The following EPPK1 variants were observed in gnomAD, a reference collection of about 807,000 sequenced individuals.
EPPK1 encodes epiplakin 1.
For synonymous variants in EPPK1, 1,862 were observed against 1,721.2 expected (o/e 1.08, Z -2.03); for missense variants, 3,823 against 3,673.3 (o/e 1.04, Z -1.05).
rs782083701 is a variant in EPPK1 at position 143,868,062 on chromosome 8, G to C, written c.5192C>G (p.Pro1731Arg). 6.2e-7 allele frequency: 1 copy of C among 1,613,654 alleles called. No individual in the cohort carries two copies. Among genetic ancestry groups the C allele is most frequent in the East Asian group, 2.2e-5 (1 of 44,880 alleles). The change falls in exon 2 of 2, where the codon CCC becomes CGC. Residue 1731 changes from proline to arginine, a missense_variant. By Grantham distance (103) the Pro-to-Arg change is moderately radical. Coordinates refer to ENST00000615648, the MANE Select transcript of EPPK1 (RefSeq NM_031308.4). ...GTACGTGAGGTTCTCGTGCGTGTTG[G>C]GGTCGAAGAAGCCCTTGGTGTCGTC... is the stretch of plus-strand genomic sequence containing the variant. Reference protein sequence around the residue: ...PSDDTKGFFDPNTHENLTYLQ... With the variant: ...PSDDTKGFFDRNTHENLTYLQ...
chr8:143,858,059 G>T lies in EPPK1; in HGVS notation c.15195C>A (p.Tyr5065Ter). Reference protein sequence around the residue: ...FDPNTHENLTYLQLLQRATLD... With the variant: ...FDPNTHENLT Reference sequence around the variant, plus strand: ...GGGTGGCCCTCTGCAGAAGCTGCAGGTACGTGAGGTTCTCGTGCGTGTTGG... The same window carrying T: ...GGGTGGCCCTCTGCAGAAGCTGCAGTTACGTGAGGTTCTCGTGCGTGTTGG... The change falls in exon 2 of 2, where the codon TAC becomes TAA. Residue 5065 changes from tyrosine to a stop codon, truncating the protein, a stop_gained. Transcript: ENST00000615648. LOFTEE classifies it low-confidence loss of function (END_TRUNC). 6.2e-7 allele frequency: 1 copy of T among 1,613,384 alleles called. No homozygotes were observed.
chr8:143,857,840 A>T lies in EPPK1; in HGVS notation c.*147T>A. ...AAGGAAAAGTTTCTGTCACATGACAACTTAAAACGTTTTCCACAGATAACG... is the reference window on the plus strand; with the variant it reads ...AAGGAAAAGTTTCTGTCACATGACATCTTAAAACGTTTTCCACAGATAACG... On this transcript the variant is annotated 3_prime_UTR_variant, in exon 2 of 2. Transcript: ENST00000615648. The T allele has an allele frequency of 3.2e-6, 2 of 627,838 alleles. No individual in the cohort carries two copies. Among genetic ancestry groups the T allele is most frequent in the Non-Finnish European group, 5.0e-6 (2 of 396,234 alleles). The allele number at this position is 627,838 out of a possible 1,614,324, so 38.9% of individuals were successfully genotyped here.
At chr8:143,876,287 G>A (rs1819476184) in intron 1 of EPPK1, among the ~76,000 whole-genome samples, 1 of 152,168 alleles carries the variant, frequency 6.6e-6, no homozygotes, top group African/African-American at 2.4e-5. Context: ...AAGAGGACCT[G>A]GTCACACCTG....
upstream of EPPK1, among the ~76,000 whole-genome samples, chr8:143,878,652 C>G (rs1819540518): frequency 6.6e-6 from 1 of 151,882 alleles, no homozygotes; most frequent in Non-Finnish European, 1.5e-5. Flanking sequence ...GGACCCTCCC[C>G]TCGTCCCCAG....
rs1818933985 is a variant in EPPK1, at chr8:143,857,991, T to G, written c.15263A>C (p.Gln5088Pro). 6 of 1,596,368 alleles carry G rather than the reference T, an allele frequency of 3.8e-6. No homozygotes were observed. The highest frequency in any genetic ancestry group is 5.1e-6 in the Non-Finnish European group (6 of 1,170,738). ...AACTGCACGGAGGAAGCCCAGTCACTGTAGAGAGAGAGAAAGAAATAGGAG... is the reference window on the plus strand; with the variant it reads ...AACTGCACGGAGGAAGCCCAGTCACGGTAGAGAGAGAGAAAGAAATAGGAG... ...TGLLFLSLSL[Q>P] Residue 5088 changes from glutamine to proline, a missense_variant, in exon 2 of 2, where the codon CAG becomes CCG. Gln to Pro is a moderately conservative substitution (Grantham distance 76, BLOSUM62 -1). Coordinates refer to ENST00000615648, the MANE Select transcript of EPPK1 (RefSeq NM_031308.4).
chr8:143,871,712 G>C lies in EPPK1; in HGVS notation c.1542C>G (p.Leu514=). The change falls in exon 2 of 2, where the codon CTC becomes CTG. Residue 514 remains leucine (L), a synonymous_variant. Transcript: ENST00000615648. ...GCTCTGAGGAGATGGCCTCAGAGAA[G>C]AGCAGCTCCCAGAGGGACACGGGCC... ...RGRPVSLWEL[L]FSEAISSEQR... 6.2e-7 allele frequency: 1 copy of C among 1,608,348 alleles called. No homozygotes were observed. The highest frequency in any genetic ancestry group is 8.5e-7 in the Non-Finnish European group (1 of 1,178,662).
chr8:143,870,941 G>A lies in EPPK1; in HGVS notation c.2313C>T (p.Asn771=), dbSNP rs782185790. ...GCAGGTACGTGAGGTTCTCGTGCGT[G>A]TTGGGGTCGAAGAAGCCCTTGGTGT... The part of the protein sequence containing the change: ...SDDTKGFFDP[N]THENLTYLQL... The change falls in exon 2 of 2, where the codon AAC becomes AAT. Residue 771 remains asparagine (N), a synonymous_variant. Transcript: ENST00000615648. This position sits in a 1 kb window ranked among gnomAD's most constrained non-coding sequence, Gnocchi z 5.2. The A allele has an allele frequency of 6.2e-6, 10 of 1,613,416 alleles. No individual in the cohort carries two copies. Among genetic ancestry groups the A allele is most frequent in the African/African-American group, 2.7e-5 (2 of 74,920 alleles).
At position 143,857,896 on chromosome 8, in the gene EPPK1, CAAAAAAAAAAAAA is replaced by C. The variant is rs35186960; in HGVS notation, c.*78_*90del. 1.8e-5 allele frequency: 8 copies of C among 437,920 alleles called. No homozygotes were observed. The highest frequency in any genetic ancestry group is 1.4e-4 in the African/African-American group (4 of 29,402). The allele number at this position is 437,920 out of a possible 1,614,324, so 27.1% of individuals were successfully genotyped here. A position where few individuals can be genotyped will look rare whatever the true frequency, so the allele number is the denominator to read the frequency against. The stretch of plus-strand genomic sequence containing the variant: ...GTAAAACAACAAAATTAAAGAATGA[CAAAAAAAAAAAAA>C]AAAAAAAAAACAACCCAGACACACA... On this transcript the variant is annotated 3_prime_UTR_variant, in exon 2 of 2. Coordinates refer to ENST00000615648, the MANE Select transcript of EPPK1 (RefSeq NM_031308.4).
chr8:143,875,977 C>T (rs1406033835), intron 1 of EPPK1, among the ~76,000 whole-genome samples: 1 of 151,698 alleles, frequency 6.6e-6, no homozygotes, highest in Non-Finnish European at 1.5e-5. Flanking sequence ...TATGATGGAG[C>T]TTGGGCTCCT....
intron 1 of EPPK1, 133 bp from the exon 2 acceptor site, chr8:143,873,431 G>A (rs892290480): frequency 2.7e-5 from 16 of 584,404 alleles, no homozygotes; most frequent in Non-Finnish European, 4.0e-5. Context: ...GAGTGTCCCC[G>A]AGGAGCTGAG....
rs7839934 is a variant in EPPK1 at position 143,867,013 on chromosome 8, G to C, written c.6241C>G (p.Leu2081Val). 0.26 allele frequency: 418,834 copies of C among 1,612,534 alleles called. 56,746 individuals are homozygous for C. Among genetic ancestry groups the C allele is most frequent in the South Asian group, 0.4 (36,454 of 91,058 alleles). Residue 2081 changes from leucine to valine, a missense_variant, in exon 2 of 2, where the codon CTG (leucine) becomes GTG (valine). Leu to Val is a conservative substitution (Grantham distance 32). Coordinates refer to ENST00000615648, the MANE Select transcript of EPPK1 (RefSeq NM_031308.4). ...RCRPQEDTGW[L>V]LFPVNKAARD... ...GCAGCCTTGTTCACTGGGAACAGCA[G>C]CCAGCCCGTGTCCTCTTGTGGGCGG...
Position 143,867,928 on chromosome 8 carries a change from C to T in EPPK1, c.5326G>A (p.Val1776Met), listed in dbSNP as rs202016455. 1.4e-4 allele frequency: 220 copies of T among 1,613,504 alleles called. No individual in the cohort carries two copies. The highest frequency in any genetic ancestry group is 2.9e-4 in the African/African-American group (22 of 74,916). The change falls in exon 2 of 2, where the codon GTG becomes ATG. Residue 1776 changes from valine to methionine, a missense_variant. Transcript: ENST00000615648. ...YVYINEATRH[V>M]LQSRTAKMRV... ...ATTTTTGCAGTTCTGGATTGCAACACGTGTCTCGTGGCCTCATTGATGTAC... is the reference window on the plus strand; with the variant it reads ...ATTTTTGCAGTTCTGGATTGCAACATGTGTCTCGTGGCCTCATTGATGTAC...
Position 143,868,342 on chromosome 8 carries a change from T to C in EPPK1, c.4912A>G (p.Thr1638Ala), listed in dbSNP as rs2130629451. The change falls in exon 2 of 2, where the codon ACC becomes GCC. Residue 1638 changes from threonine to alanine, a missense_variant. Coordinates refer to ENST00000615648, the MANE Select transcript of EPPK1 (RefSeq NM_031308.4). ...TCGGCCGACAGCAGCTTCACGTAGG[T>C]TTCTTTCCCGAACATTCCTGCTTTG... ...AFKAGMFGKE[T>A]YVKLLSAERA... The C allele has an allele frequency of 6.2e-7, 1 of 1,613,034 alleles. No homozygotes were observed. The highest frequency in any genetic ancestry group is 8.5e-7 in the Non-Finnish European group (1 of 1,179,982).
At position 143,870,196 on chromosome 8, in the gene EPPK1, C is replaced by T. The variant is rs782175370; in HGVS notation, c.3058G>A (p.Val1020Met). The T allele has an allele frequency of 1.1e-5, 18 of 1,611,154 alleles. No individual in the cohort carries two copies. The highest frequency in any genetic ancestry group is 1.6e-4 in the Middle Eastern group (1 of 6,078). ...TTCTTCATGGCCTGGAACACAGACA[C>T]CTGCTTCCCAGAGAAGGGGTCTCTG... is the stretch of plus-strand genomic sequence containing the variant. ...GFRDPFSGKQVSVFQAMKKGL... is the reference protein window; with the variant it reads ...GFRDPFSGKQMSVFQAMKKGL... Residue 1020 changes from valine (V) to methionine (M), a missense_variant, in exon 2 of 2, where the codon GTG becomes ATG. Val to Met is a conservative substitution (Grantham distance 21). Transcript: ENST00000615648. This position sits in a 1 kb window ranked among gnomAD's most constrained non-coding sequence, Gnocchi z 5.2.
Position 143,869,492 on chromosome 8 carries a change from C to G in EPPK1, c.3762G>C (p.Gln1254His). 3 of 1,548,426 alleles carry G rather than the reference C, an allele frequency of 1.9e-6. No individual in the cohort carries two copies. The highest frequency in any genetic ancestry group is 2.6e-6 in the Non-Finnish European group (3 of 1,152,044). Residue 1254 changes from glutamine (Q) to histidine (H), a missense_variant, in exon 2 of 2, where the codon CAG (glutamine) becomes CAC (histidine). Coordinates refer to ENST00000615648, the MANE Select transcript of EPPK1 (RefSeq NM_031308.4). ...CGATGCTGGCCTTGGCCCCAGAGGG[C>G]TGTAGCAGCACACCGGCCACGCAGC... ...GTGCVAGVLLQPSGAKASIAQ... is the reference protein window; with the variant it reads ...GTGCVAGVLLHPSGAKASIAQ...
chr8:143,871,430 A>G lies in EPPK1; in HGVS notation c.1824T>C (p.Gly608=), dbSNP rs782234360. ...SLASVQRYLQ[G]TGCIAGLLLP... The stretch of plus-strand genomic sequence containing the variant: ...GCAGCAGGCCAGCAATGCAGCCCGT[A>G]CCCTGCAGGTACCTCTGCACCGAGG... Residue 608 remains glycine (G), a synonymous_variant, in exon 2 of 2, where the codon GGT becomes GGC. Transcript: ENST00000615648. The G allele has an allele frequency of 1.2e-6, 2 of 1,604,794 alleles. No homozygotes were observed. The highest frequency in any genetic ancestry group is 8.5e-7 in the Non-Finnish European group (1 of 1,176,940).
rs781848210 is a variant in EPPK1 at position 143,871,672 on chromosome 8, C to G, written c.1582G>C (p.Ala528Pro). The G allele has an allele frequency of 6.2e-7, 1 of 1,602,530 alleles. No homozygotes were observed. Among genetic ancestry groups the G allele is most frequent in the Non-Finnish European group, 8.5e-7 (1 of 1,176,342 alleles). ...AGGGTCCCTTCCTGGTACTGCTGGG[C>G]CAGCATCGCCCTCTGCTCTGAGGAG... ...AISSEQRAMLAQQYQEGTLSV... is the reference protein window; with the variant it reads ...AISSEQRAMLPQQYQEGTLSV... Residue 528 changes from alanine (A) to proline (P), a missense_variant, in exon 2 of 2, where the codon GCC becomes CCC. Coordinates refer to ENST00000615648, the MANE Select transcript of EPPK1 (RefSeq NM_031308.4).
At position 143,869,015 on chromosome 8, in the gene EPPK1, G is replaced by T. The variant is rs373598186; in HGVS notation, c.4239C>A (p.Thr1413=). Residue 1413 remains threonine (T), a synonymous_variant, in exon 2 of 2, where the codon ACC becomes ACA. Coordinates refer to ENST00000615648, the MANE Select transcript of EPPK1 (RefSeq NM_031308.4). ...FFDPSARDQV[T]YQQLRERCVC... Reference sequence around the variant, plus strand: ...CGCAGCGCTCCCTGAGCTGCTGGTAGGTCACCTGGTCCCGCGCACTGGGGT... The same window carrying T: ...CGCAGCGCTCCCTGAGCTGCTGGTATGTCACCTGGTCCCGCGCACTGGGGT... 22 of 1,610,280 alleles carry T rather than the reference G, an allele frequency of 1.4e-5. No homozygotes were observed. In the African/African-American group the frequency reaches 2.8e-4, roughly 21 times the overall value.
At position 143,872,034 on chromosome 8, in the gene EPPK1, G is replaced by A. The variant is rs1351502923; in HGVS notation, c.1220C>T (p.Pro407Leu). 10 of 1,559,488 alleles carry A rather than the reference G, an allele frequency of 6.4e-6. No homozygotes were observed. The highest frequency in any genetic ancestry group is 1.2e-5 in the South Asian group (1 of 85,942). The change falls in exon 2 of 2, where the codon CCA becomes CTA. Residue 407 changes from proline to leucine, a missense_variant. Transcript: ENST00000615648. ...AQLATGGLVCPARRLRLPLEA... is the reference protein window; with the variant it reads ...AQLATGGLVCLARRLRLPLEA... ...CAGGGGCAGCCGGAGCCTGCGTGCT[G>A]GACAGACCAGCCCGCCTGTGGCCAG...
Sources: gnomAD v4.1 joint callset for allele counts (sites outside exome capture counted in the v4.1 genomes callset) on GRCh38, gnomAD v4.1.1 for gene constraint, Gnocchi (gnomAD v3.1) non-coding constraint, MANE v1.5 for transcripts, NCBI Gene and HGNC (gene_info 2026-07-23, HGNC 2026-07-21) for gene names.